IL1RL2: variants seen among roughly 807,000 people sequenced by gnomAD.
IL1RL2 encodes interleukin 1 receptor like 2, also known as interleukin-1 receptor-like 2.
A neutral mutation model predicts 66.8 loss-of-function variants in IL1RL2; 68 were observed. That is an observed-to-expected ratio of 1.02 (90% CI 0.84 to 1.25). IL1RL2 has a LOEUF of 1.25. IL1RL2 is among the 50% of genes most tolerant of loss of function. The pLI is 0.00. For synonymous variants in IL1RL2, 305 were observed against 264.6 expected, an observed-to-expected ratio of 1.15 and a Z score of -1.48; for missense variants, 729 against 709.3, an observed-to-expected ratio of 1.03 and a Z score of -0.32.
At chr2:102,199,933 C>T (rs1688098656) in intron 4 of IL1RL2, among the ~76,000 whole-genome samples, 1 of 151,908 alleles carries the variant, frequency 6.6e-6, no homozygotes, top group Non-Finnish European at 1.5e-5. Context: ...CTAAGGTGGG[C>T]AGACTCCTTG....
chr2:102,192,085 A>C lies in IL1RL2; in HGVS notation c.454A>C (p.Lys152Gln). 6.2e-7 allele frequency: 1 copy of C among 1,600,772 alleles called. No individual in the cohort carries two copies. The highest frequency in any genetic ancestry group is 8.5e-7 in the Non-Finnish European group (1 of 1,175,830). ...TCTCACATGTCATCTGCACTTCCCG[A>C]AGAGTTGTGTTTTGGGTCCAATAAA... is the stretch of plus-strand genomic sequence containing the variant. ...DSLTCHLHFP[K>Q]SCVLGPIKWY... The change falls in exon 4 of 12, where the codon AAG (lysine) becomes CAG (glutamine). Residue 152 changes from lysine to glutamine, a missense_variant. Lys to Gln is a moderately conservative substitution (Grantham distance 53). Transcript: ENST00000264257.
Position 102,236,022 on chromosome 2 carries a change from G to C in IL1RL2, c.1678+745G>C, listed in dbSNP as rs1281075419. ...CCAGAATTCTGAGCAGCCTGTGAGA[G>C]ACGCAATTAGCACACAGATGATAGA... On this transcript the variant is annotated intron_variant, in intron 11 of 11. Coordinates refer to ENST00000264257, the MANE Select transcript of IL1RL2 (RefSeq NM_003854.4). The C allele has an allele frequency of 6.2e-6, 5 of 804,498 alleles. No homozygotes were observed. The African/African-American group carries it at 7.5e-5, about 12-fold the overall frequency. The allele number at this position is 804,498 out of a possible 1,614,324, so 49.8% of individuals were successfully genotyped here.
At position 102,239,493 on chromosome 2, in the gene IL1RL2, G is replaced by A; in HGVS notation, c.*252G>A. The A allele has an allele frequency of 2.3e-6, 1 of 430,802 alleles. No individual in the cohort carries two copies. The highest frequency in any genetic ancestry group is 2.5e-5 in the South Asian group (1 of 40,468). The allele number at this position is 430,802 out of a possible 1,614,324, so 26.7% of individuals were successfully genotyped here. ...GGGGTTATCCCCATGGTCATGGAGG[G>A]TGAGGGCTGGTCGGGGGAGGCATCC... On this transcript the variant is annotated 3_prime_UTR_variant, in exon 12 of 12. Coordinates refer to ENST00000264257, the MANE Select transcript of IL1RL2 (RefSeq NM_003854.4).
intron 5 of IL1RL2, among the ~76,000 whole-genome samples, chr2:102,205,235 GTTA>G (rs1319805674): frequency 6.6e-6 from 1 of 152,062 alleles, no homozygotes; most frequent in Non-Finnish European, 1.5e-5. Context: ...AGTTGTTGTA[GTTA>G]TTATTTTTGA....
intron 8 of IL1RL2, among the ~76,000 whole-genome samples, chr2:102,221,598 G>T (rs1173843502): frequency 6.6e-6 from 1 of 152,098 alleles, no homozygotes; most frequent in African/African-American, 2.4e-5. Context: ...GAGTTGCCAA[G>T]CTCTGTGGAT....
chr2:102,212,232 A>G (rs1426396102), intron 6 of IL1RL2, 58 bp downstream of exon 6: 2 of 1,209,710 alleles, frequency 1.7e-6, no homozygotes, highest in Non-Finnish European at 2.4e-6. Flanking sequence ...TTATGTTTGC[A>G]TATTCTGGTG....
At chr2:102,193,330 G>C (rs960652068) in intron 4 of IL1RL2, among the ~76,000 whole-genome samples, 2 of 152,304 alleles carry the variant, frequency 1.3e-5, no homozygotes, top group Admixed American at 6.5e-5. Context: ...GATGAACAAA[G>C]TATTCAACTT....
At position 102,219,194 on chromosome 2, in the gene IL1RL2, T is replaced by C. The variant is rs184893183; in HGVS notation, c.854+112T>C. ...CTTGTTTTTGCCTCTCAATGATTCA[T>C]GTTATCAATCCCACCTATCACATAG... On this transcript the variant is annotated intron_variant, in intron 7 of 11. Coordinates refer to ENST00000264257, the MANE Select transcript of IL1RL2 (RefSeq NM_003854.4). 70 of 1,169,672 alleles carry C rather than the reference T, an allele frequency of 6.0e-5. No homozygotes were observed. In the African/African-American group the frequency reaches 9.7e-4, roughly 16 times the overall value. 72.5% of individuals were successfully genotyped at this position (1,169,672 alleles called of 1,614,324 possible).
At chr2:102,223,676 T>A (rs1690344797) in intron 8 of IL1RL2, among the ~76,000 whole-genome samples, 1 of 152,220 alleles carries the variant, frequency 6.6e-6, no homozygotes, top group Non-Finnish European at 1.5e-5. Flanking sequence ...CTCCTGTCTA[T>A]GTGCCAGAGG....
chr2:102,242,500 G>C (rs780740637), downstream of IL1RL2, among the ~76,000 whole-genome samples: 14 of 152,202 alleles, frequency 9.2e-5, no homozygotes, highest in Non-Finnish European at 1.9e-4. Flanking sequence ...CCAACACCCT[G>C]AGAACCAGTG....
Position 102,189,200 on chromosome 2 carries a change from C to T in IL1RL2, c.183C>T (p.Ser61=), listed in dbSNP as rs1687004753. ...EVSVTWYKNS[S]KIPVSKIIQS... ...GTGTAACATGGTATAAAAATTCTAG[C>T]AAAATCCCAGTGTCCAAAATCATAC... Residue 61 remains serine (S), a synonymous_variant, in exon 3 of 12, where the codon AGC becomes AGT. Coordinates refer to ENST00000264257, the MANE Select transcript of IL1RL2 (RefSeq NM_003854.4). 1 of 1,614,028 alleles carries T rather than the reference C, an allele frequency of 6.2e-7. No homozygotes were observed. The highest frequency in any genetic ancestry group is 1.3e-5 in the African/African-American group (1 of 75,048).
At chr2:102,198,159 A>C (rs1687942251) in intron 4 of IL1RL2, among the ~76,000 whole-genome samples, 1 of 152,244 alleles carries the variant, frequency 6.6e-6, no homozygotes, top group Admixed American at 6.5e-5. Context: ...ATAGGTACGT[A>C]ATAAATAAAT....
intron 8 of IL1RL2, among the ~76,000 whole-genome samples, chr2:102,223,563 T>G (rs1341306957): frequency 6.6e-6 from 1 of 152,200 alleles, no homozygotes; most frequent in Admixed American, 6.5e-5. Context: ...TATTCATTGA[T>G]GTCCTGTTTC....
intron 6 of IL1RL2, 79 bp from the exon 7 acceptor site, chr2:102,218,874 G>T: frequency 8.1e-7 from 1 of 1,242,196 alleles, no homozygotes; most frequent in Non-Finnish European, 1.2e-6. Context: ...AGAGTACGAT[G>T]CACTTGTAAT....
At chr2:102,242,975 G>A (rs867257937), downstream of IL1RL2, among the ~76,000 whole-genome samples, 1 of 152,184 alleles carries the variant, frequency 6.6e-6, no homozygotes. Context: ...CCTCCAGAAA[G>A]CTTGTACCAG....
rs772104647 is a variant in IL1RL2 at position 102,201,733 on chromosome 2, T to C, written c.649+18T>C. 2 of 1,608,896 alleles carry C rather than the reference T, an allele frequency of 1.2e-6. No homozygotes were observed. The highest frequency in any genetic ancestry group is 3.4e-5 in the Admixed American group (2 of 59,628). On this transcript the variant is annotated intron_variant, in intron 5 of 11. Coordinates refer to ENST00000264257, the MANE Select transcript of IL1RL2 (RefSeq NM_003854.4). Reference sequence around the variant, plus strand: ...GAGCATTAGTAAGTATGCTCATGTATGCCTGTCGCCTTGTATTCTCTTGGC... The same window carrying C: ...GAGCATTAGTAAGTATGCTCATGTACGCCTGTCGCCTTGTATTCTCTTGGC...
intron 6 of IL1RL2, among the ~76,000 whole-genome samples, chr2:102,212,990 C>CA (rs1013528081): frequency 7.9e-5 from 12 of 151,032 alleles, no homozygotes; most frequent in East Asian, 5.9e-4. Flanking sequence ...CAAAACAAAA[C>CA]AAAAAAAATC....
chr2:102,187,327 C>G (rs866686093), intron 1 of IL1RL2: 3 of 1,172,198 alleles, frequency 2.6e-6, no homozygotes, highest in South Asian at 1.6e-5. Flanking sequence ...TCTCCTTTCC[C>G]GCTGGCCCTT....
chr2:102,206,498 C>T (rs1019049078), intron 5 of IL1RL2, among the ~76,000 whole-genome samples: 3 of 152,208 alleles, frequency 2.0e-5, no homozygotes, highest in African/African-American at 4.8e-5. Context: ...GAGGTACCAC[C>T]TTGATGATCT....
Sources: gnomAD v4.1 joint callset for allele counts (sites outside exome capture counted in the v4.1 genomes callset) on GRCh38, gnomAD v4.1.1 for gene constraint, MANE v1.5 for transcripts, NCBI Gene and HGNC (gene_info 2026-07-23, HGNC 2026-07-21) for gene names.